The following PIGK variants were observed in gnomAD, a reference collection of about 807,000 sequenced individuals.
PIGK encodes the protein GPI-anchor transamidase.
In PIGK, 42 loss-of-function variants were observed where a neutral mutation model predicts 50.6. The observed-to-expected ratio is 0.83, with a 90% confidence interval of 0.65 to 1.07. The LOEUF is 1.07. PIGK is among the 50% of genes least tolerant of loss of function. The pLI, the probability that PIGK is intolerant of heterozygous loss-of-function variation, is 0.00. For synonymous variants in PIGK, 151 were observed against 156.0 expected (o/e 0.97, Z 0.24); for missense variants, 448 against 488.7 (o/e 0.92, Z 0.78).
At chr1:77,096,638 G>A (rs905295084) in intron 10 of PIGK, among the ~76,000 whole-genome samples, 4 of 152,088 alleles carry the variant, frequency 2.6e-5, no homozygotes, top group Admixed American at 1.3e-4. Flanking sequence ...GACTCATGAC[G>A]GAGCCTAACT....
chr1:77,127,371 A>G lies in PIGK; in HGVS notation c.987-5012T>C, dbSNP rs78209500. On this transcript the variant is annotated intron_variant, in intron 9 of 10. Transcript: ENST00000370812. ...TCAGAAAGAGTAAAGTTTATATTCT[A>G]TAGTGCCACACTGAGATCAGACAAT... 8.3e-3 allele frequency among the ~76,000 whole-genome samples: 1,257 copies of G among 152,324 alleles called. 18 individuals carry two copies. The highest frequency in any genetic ancestry group is 0.029 in the African/African-American group (1,209 of 41,570).
Position 77,154,520 on chromosome 1 carries a change from T to C in PIGK, c.915A>G (p.Gly305=). Residue 305 remains glycine, a synonymous_variant, in exon 9 of 11, where the codon GGA becomes GGG. Coordinates refer to ENST00000370812, the MANE Select transcript of PIGK (RefSeq NM_005482.3). ...TTGTAATTTCCACTTTCCGTACACT[T>C]CCAAAGAAATCAGTTATCAGTACAT... ...PKNVLITDFF[G]SVRKVEITTE... 6.2e-7 allele frequency: 1 copy of C among 1,611,636 alleles called. No homozygotes were observed.
chr1:77,179,596 T>A (rs938504390), intron 3 of PIGK, among the ~76,000 whole-genome samples: 4 of 151,974 alleles, frequency 2.6e-5, no homozygotes, highest in Non-Finnish European at 4.4e-5. Context: ...TTCCTTTCCC[T>A]TTTTTTTCTC....
chr1:77,136,545 A>AAG, intron 9 of PIGK, among the ~76,000 whole-genome samples: 1 of 151,030 alleles, frequency 6.6e-6, no homozygotes, highest in East Asian at 1.9e-4. Context: ...TCAAAAAAAA[A>AAG]AAAAAAAAAA....
chr1:77,092,514 A>G (rs763894633), intron 10 of PIGK, 24 bp from the exon 11 acceptor site: 5 of 1,164,992 alleles, frequency 4.3e-6, no homozygotes, highest in African/African-American at 3.1e-5. Flanking sequence ...ATAACATGAT[A>G]AATTTTATAA....
chr1:77,103,068 T>C (rs1374927557), intron 10 of PIGK, among the ~76,000 whole-genome samples: 2 of 152,176 alleles, frequency 1.3e-5, no homozygotes, highest in Non-Finnish European at 2.9e-5. Context: ...CATGATTAGA[T>C]TCAGGTTATG....
chr1:77,138,772 G>A (rs1476287867), intron 9 of PIGK, among the ~76,000 whole-genome samples: 3 of 152,108 alleles, frequency 2.0e-5, no homozygotes, highest in African/African-American at 7.2e-5. Context: ...AACCTCAATT[G>A]AGAATGATTC....
chr1:77,190,918 A>G (rs1426252483), intron 3 of PIGK, among the ~76,000 whole-genome samples: 1 of 152,166 alleles, frequency 6.6e-6, no homozygotes, highest in Non-Finnish European at 1.5e-5. Flanking sequence ...CCCAATGTTA[A>G]TCAGTCTTCC....
chr1:77,126,806 T>G (rs1654243182), intron 9 of PIGK, among the ~76,000 whole-genome samples: 1 of 152,204 alleles, frequency 6.6e-6, no homozygotes, highest in African/African-American at 2.4e-5. Context: ...CTGGAACTTT[T>G]CTCCTGTAAA....
At chr1:77,097,435 C>T (rs1653441585) in intron 10 of PIGK, among the ~76,000 whole-genome samples, 1 of 152,106 alleles carries the variant, frequency 6.6e-6, no homozygotes, top group African/African-American at 2.4e-5. Context: ...ACATGTTGCG[C>T]CCGTGCTGGA....
chr1:77,192,768 T>A (rs917975470), intron 3 of PIGK, among the ~76,000 whole-genome samples: 2 of 152,120 alleles, frequency 1.3e-5, no homozygotes, highest in African/African-American at 4.8e-5. Flanking sequence ...TACAGGATGG[T>A]GGAAATAAAT....
intron 10 of PIGK, among the ~76,000 whole-genome samples, chr1:77,109,290 G>C (rs924806104): frequency 6.6e-6 from 1 of 152,168 alleles, no homozygotes; most frequent in Non-Finnish European, 1.5e-5. Flanking sequence ...ACCAAAGCCT[G>C]GCAGAGACAC....
At chr1:77,138,132 T>G (rs985045419) in intron 9 of PIGK, among the ~76,000 whole-genome samples, 7 of 152,142 alleles carry the variant, frequency 4.6e-5, no homozygotes, top group Non-Finnish European at 7.4e-5. Context: ...ACTCCTATGA[T>G]AAGGTTATGT....
intron 10 of PIGK, among the ~76,000 whole-genome samples, chr1:77,093,049 C>T (rs1412508252): frequency 6.6e-6 from 1 of 152,006 alleles, no homozygotes; most frequent in Non-Finnish European, 1.5e-5. Flanking sequence ...AGGTAGAATG[C>T]TCCTTAACCT....
At chr1:77,210,803 G>A (rs2100588527) in intron 1 of PIGK, among the ~76,000 whole-genome samples, 1 of 152,114 alleles carries the variant, frequency 6.6e-6, no homozygotes, top group Non-Finnish European at 1.5e-5. Flanking sequence ...TTCCTCATGT[G>A]CAAAATGAAA....
intron 9 of PIGK, chr1:77,129,008 C>T: frequency 5.7e-6 from 4 of 706,602 alleles, no homozygotes; most frequent in Non-Finnish European, 1.0e-5. Context: ...ACTATAACAG[C>T]AGAGCTGCAT....
chr1:77,206,840 A>G lies in PIGK; in HGVS notation c.148-109T>C, dbSNP rs1190461016. ...AGAGATCTCTAAGAAACAGTATGCC[A>G]TAATTCAGGCTTTAAAACAGCAAAC... On this transcript the variant is annotated intron_variant, in intron 2 of 10. Coordinates refer to ENST00000370812, the MANE Select transcript of PIGK (RefSeq NM_005482.3). The G allele has an allele frequency of 6.2e-6, 4 of 645,812 alleles. No homozygotes were observed. In the African/African-American group the frequency reaches 7.4e-5, roughly 12 times the overall value. The allele number at this position is 645,812 out of a possible 1,614,324, so 40.0% of individuals were successfully genotyped here.
chr1:77,170,964 G>C (rs1655345779), intron 3 of PIGK, among the ~76,000 whole-genome samples: 1 of 152,190 alleles, frequency 6.6e-6, no homozygotes, highest in African/African-American at 2.4e-5. Context: ...CACGTTCAAA[G>C]ATCAGATCTT....
chr1:77,153,464 C>T (rs961778087), intron 9 of PIGK: 1 of 152,006 alleles, frequency 6.6e-6, no homozygotes, highest in African/African-American at 2.4e-5. Context: ...CAATTTATTG[C>T]ATATTTCAAA....
Sources: allele counts gnomAD v4.1 joint callset (sites outside exome capture counted in the v4.1 genomes callset), GRCh38; gene constraint gnomAD v4.1.1; transcripts MANE v1.5; gene names NCBI Gene and HGNC (gene_info 2026-07-23, HGNC 2026-07-21).